Variants in DDHD1 observed in about 807,000 individuals in gnomAD.
DDHD1 encodes the protein phospholipase DDHD1.
DDHD1 carries 49 observed loss-of-function variants against 96.4 expected under a neutral mutation model. The observed-to-expected ratio is 0.51, with a 90% confidence interval of 0.40 to 0.64. The LOEUF (loss-of-function observed/expected upper bound fraction) is 0.64, where lower values mean the gene tolerates loss of function less well. Among genes scored for constraint, DDHD1 ranks in the 30% least tolerant of loss-of-function variants. The pLI is 0.00. For missense variants in DDHD1, 1,106 were observed against 1,161.2 expected, an observed-to-expected ratio of 0.95 and a Z score of 0.69; for synonymous variants, 442 against 446.5, an observed-to-expected ratio of 0.99 and a Z score of 0.13.
At chr14:53,079,433 T>C (rs537331858) in intron 4 of DDHD1, among the ~76,000 whole-genome samples, 2 of 152,212 alleles carry the variant, frequency 1.3e-5, no homozygotes, top group African/African-American at 2.4e-5. Flanking sequence ...TTCTTCCTCG[T>C]TACCAGATCA....
At chr14:53,080,163 C>A (rs190215870) in intron 4 of DDHD1, among the ~76,000 whole-genome samples, 1 of 152,304 alleles carries the variant, frequency 6.6e-6, no homozygotes, top group East Asian at 1.9e-4. Flanking sequence ...AGTCTGAGAC[C>A]AGCCTGGCCA....
At chr14:53,105,763 A>G (rs1357893843) in intron 1 of DDHD1, among the ~76,000 whole-genome samples, 1 of 152,172 alleles carries the variant, frequency 6.6e-6, no homozygotes, top group Admixed American at 6.5e-5. Context: ...AGATGAGTTA[A>G]GCCCATTTAT....
intron 4 of DDHD1, among the ~76,000 whole-genome samples, chr14:53,087,135 T>C (rs182583148): frequency 3.3e-4 from 50 of 152,186 alleles, no homozygotes; most frequent in African/African-American, 1.2e-3. Context: ...ATGCACCTAA[T>C]ACAGGAGCAC....
chr14:53,103,908 A>C (rs1887498613), intron 1 of DDHD1, 52 bp from the exon 2 acceptor site: 1 of 1,486,926 alleles, frequency 6.7e-7, no homozygotes, highest in Non-Finnish European at 9.0e-7. Context: ...CAACTTCCCC[A>C]AAAGAGACAC....
At chr14:53,146,830 A>C (rs146671070) in intron 1 of DDHD1, among the ~76,000 whole-genome samples, 1 of 152,306 alleles carries the variant, frequency 6.6e-6, no homozygotes, top group Non-Finnish European at 1.5e-5. Context: ...AGTAACTATA[A>C]AAAAATTTTT....
chr14:53,104,792 C>CAAAAATAA (rs1887563825), intron 1 of DDHD1, among the ~76,000 whole-genome samples: 3 of 151,752 alleles, frequency 2.0e-5, no homozygotes, highest in Admixed American at 1.3e-4. Flanking sequence ...AATAACAAAA[C>CAAAAATAA]CCTAAAAGTA....
At chr14:53,152,113 G>GAGTTAGAGGGTGTAGAT in intron 1 of DDHD1, 148 bp downstream of exon 1, 8 of 833,734 alleles carry the variant, frequency 9.6e-6, no homozygotes, top group East Asian at 2.8e-5. Flanking sequence ...AGCTGCCGAC[G>GAGTTAGAGGGTGTAGAT]CTCCCTGCTC....
chr14:53,087,432 G>A (rs541405492), intron 4 of DDHD1, among the ~76,000 whole-genome samples: 2 of 152,208 alleles, frequency 1.3e-5, no homozygotes, highest in South Asian at 4.2e-4. Context: ...CTCAGCAAAG[G>A]TAAAAGAACC....
chr14:53,108,297 T>C (rs543892466), intron 1 of DDHD1, among the ~76,000 whole-genome samples: 8 of 152,358 alleles, frequency 5.3e-5, no homozygotes, highest in Admixed American at 2.6e-4. Flanking sequence ...TTCATCCTAA[T>C]TGAGCTGAAC....
At chr14:53,110,626 G>A (rs1366818816) in intron 1 of DDHD1, among the ~76,000 whole-genome samples, 1 of 151,998 alleles carries the variant, frequency 6.6e-6, no homozygotes, top group African/African-American at 2.4e-5. Context: ...CCTTTCTCTG[G>A]AATTCTTAGA....
At chr14:53,105,200 A>T (rs1887593709) in intron 1 of DDHD1, among the ~76,000 whole-genome samples, 3 of 152,234 alleles carry the variant, frequency 2.0e-5, no homozygotes, top group East Asian at 1.9e-4. Flanking sequence ...GTAAAGGCCT[A>T]GAACTGAAGA....
intron 12 of DDHD1, among the ~76,000 whole-genome samples, chr14:53,051,302 T>A (rs1253380285): frequency 1.3e-5 from 2 of 151,884 alleles, no homozygotes; most frequent in African/African-American, 4.8e-5. Flanking sequence ...TAGAATATAC[T>A]GAAAATTAAG....
In DDHD1 at chr14:53,044,875, T is replaced by C. The variant is rs575370202; in HGVS notation, c.*1893A>G. ...TATGAAGAAAGGAGGAGGTGAGAGATACAGCTGACCAACTTTGCTCCCAGT... is the reference window on the plus strand; with the variant it reads ...TATGAAGAAAGGAGGAGGTGAGAGACACAGCTGACCAACTTTGCTCCCAGT... On this transcript the variant is annotated 3_prime_UTR_variant, in exon 13 of 13. Coordinates refer to ENST00000673822, the MANE Select transcript of DDHD1 (RefSeq NM_001160148.2). The C allele has an allele frequency of 2.0e-5, 3 of 152,302 alleles. No individual in the cohort carries two copies. In the East Asian group the frequency reaches 5.8e-4, roughly 29 times the overall value. The allele number at this position is 152,302 out of a possible 1,614,324, so 9.4% of individuals were successfully genotyped here.
Position 53,061,233 on chromosome 14 carries a change from C to G in DDHD1, c.1767-32G>C, listed in dbSNP as rs571118016. On this transcript the variant is annotated intron_variant, in intron 7 of 12. Transcript: ENST00000673822. Reference sequence around the variant, plus strand: ...AGGGGTATGAGATTATATACACACACGTATTTATAATTTCATAAATATTAG... The same window carrying G: ...AGGGGTATGAGATTATATACACACAGGTATTTATAATTTCATAAATATTAG... 3 of 1,548,350 alleles carry G rather than the reference C, an allele frequency of 1.9e-6. No individual in the cohort carries two copies. In the South Asian group the frequency reaches 3.7e-5, roughly 19 times the overall value.
chr14:53,073,291 C>T (rs538194853), intron 5 of DDHD1, among the ~76,000 whole-genome samples: 2 of 151,664 alleles, frequency 1.3e-5, no homozygotes, highest in East Asian at 1.9e-4. Flanking sequence ...AGGGAATGTA[C>T]GAAAAACAAC....
chr14:53,120,280 C>CT (rs1888885257), intron 1 of DDHD1, among the ~76,000 whole-genome samples: 1 of 152,170 alleles, frequency 6.6e-6, no homozygotes, highest in African/African-American at 2.4e-5. Context: ...CTACAAACCA[C>CT]TGTTCAACAA....
rs779509820 is a variant in DDHD1, at chr14:53,103,729, C to G, written c.966G>C (p.Gln322His). The change falls in exon 2 of 13, where the codon CAG becomes CAC. Residue 322 changes from glutamine (Q) to histidine (H), a missense_variant. Physicochemically the swap from Gln to His is conservative, Grantham distance 24. This residue lies in a region of DDHD1 where 650 missense variants were observed against 758.8 expected (regional missense o/e 0.86). Transcript: ENST00000673822. Reference protein sequence around the residue: ...HLNCFRGQQMQENFDIEVSKS... With the variant: ...HLNCFRGQQMHENFDIEVSKS... ...TTGACACTTCAATATCGAAATTTTC[C>G]TGCATCTGCTGGCCCCTAAAACAAT... The G allele has an allele frequency of 1.2e-6, 2 of 1,612,916 alleles. No individual in the cohort carries two copies. Among genetic ancestry groups the G allele is most frequent in the East Asian group, 2.2e-5 (1 of 44,804 alleles).
intron 1 of DDHD1, among the ~76,000 whole-genome samples, chr14:53,133,584 G>C (rs1184776851): frequency 6.6e-6 from 1 of 152,120 alleles, no homozygotes; most frequent in African/African-American, 2.4e-5. Flanking sequence ...ACTTAAAAAG[G>C]ACTGGACAGT....
intron 1 of DDHD1, among the ~76,000 whole-genome samples, chr14:53,123,844 A>G (rs1889208211): frequency 6.6e-6 from 1 of 152,228 alleles, no homozygotes; most frequent in Non-Finnish European, 1.5e-5. Flanking sequence ...GGTGAAAGAG[A>G]TGCTGATTAT....
Sources: gnomAD v4.1 joint callset for allele counts (sites outside exome capture counted in the v4.1 genomes callset) on GRCh38, gnomAD v4.1.1 for gene constraint, gnomAD v4.1.1 regional missense constraint, MANE v1.5 for transcripts, NCBI Gene and HGNC (gene_info 2026-07-23, HGNC 2026-07-21) for gene names.